ME3: variants seen among roughly 807,000 people sequenced by gnomAD.
ME3 encodes NADP-dependent malic enzyme, mitochondrial.
Under a neutral mutation model 68.9 loss-of-function variants are expected in ME3, and 48 were observed. The observed-to-expected ratio is 0.70, with a 90% confidence interval of 0.55 to 0.89. ME3 has a LOEUF of 0.89. Among genes scored for constraint, ME3 ranks in the 40% least tolerant of loss-of-function variants. ME3 has a pLI of 0.00. For synonymous variants in ME3, 320 were observed against 318.8 expected (o/e 1.00, Z -0.04); for missense variants, 675 against 797.4 (o/e 0.85, Z 1.85).
At chr11:86,514,624 C>T (rs186992942) in intron 4 of ME3, among the ~76,000 whole-genome samples, 58 of 152,298 alleles carry the variant, frequency 3.8e-4, no homozygotes, top group Middle Eastern at 6.8e-3. Flanking sequence ...AATGCAGGCT[C>T]GAAACCCAGC....
At chr11:86,654,283 G>A (rs1945695956) in intron 2 of ME3, among the ~76,000 whole-genome samples, 2 of 152,184 alleles carry the variant, frequency 1.3e-5, no homozygotes, top group South Asian at 4.1e-4. Flanking sequence ...GCCAGGCAGA[G>A]ACACAACCAA....
At chr11:86,514,890 G>A (rs184323249) in intron 4 of ME3, among the ~76,000 whole-genome samples, 1 of 152,276 alleles carries the variant, frequency 6.6e-6, no homozygotes, top group African/African-American at 2.4e-5. Context: ...GAGTCAGATC[G>A]CCTGGGCTCA....
rs1960562943 is a variant in ME3 at position 86,601,074 on chromosome 11, C to CA, written c.184-41252_184-41251insT. Among the ~76,000 whole-genome samples the CA allele has an allele frequency of 3.3e-5, 5 of 152,000 alleles. No individual in the cohort carries two copies. The South Asian group carries it at 1.0e-3, about 32-fold the overall frequency. On this transcript the variant is annotated intron_variant, in intron 2 of 14. Coordinates refer to ENST00000543262, the Ensembl canonical transcript of ME3. ...AAGGAAGAGCAAACACATTCAAAAG[C>CA]TAGCAGAAGGCAAGAAATAACTAAA...
intron 6 of ME3, among the ~76,000 whole-genome samples, chr11:86,497,684 G>A (rs141865825): frequency 2.8e-3 from 427 of 152,258 alleles, no homozygotes; most frequent in African/African-American, 9.3e-3. Context: ...GAGGAAGGAA[G>A]CCCAAGCAGG....
chr11:86,524,660 G>A (rs895647523), intron 4 of ME3, among the ~76,000 whole-genome samples: 1 of 152,200 alleles, frequency 6.6e-6, no homozygotes, highest in African/African-American at 2.4e-5. Flanking sequence ...CATTTCTGGA[G>A]CTATCATTGC....
At chr11:86,546,540 A>G (rs536051448) in intron 4 of ME3, among the ~76,000 whole-genome samples, 4 of 152,342 alleles carry the variant, frequency 2.6e-5, no homozygotes, top group Admixed American at 6.5e-5. Context: ...GAAGACATTA[A>G]TGCCACCAAC....
intron 2 of ME3, among the ~76,000 whole-genome samples, chr11:86,625,986 A>G (rs532094628): frequency 6.6e-6 from 1 of 152,324 alleles, no homozygotes; most frequent in South Asian, 2.1e-4. Context: ...ACATAGTGCT[A>G]TATAAGTATT....
At chr11:86,473,715 A>C (rs1224554229) in intron 7 of ME3, among the ~76,000 whole-genome samples, 1 of 152,106 alleles carries the variant, frequency 6.6e-6, no homozygotes, top group Non-Finnish European at 1.5e-5. Context: ...GGGGGTGTGA[A>C]TCAGCAGAGG....
chr11:86,439,083 A>G (rs576686642), downstream of ME3, among the ~76,000 whole-genome samples: 28 of 152,312 alleles, frequency 1.8e-4, no homozygotes, highest in Admixed American at 3.9e-4. Flanking sequence ...TCAGGCCTTC[A>G]ACTAATTGGA....
chr11:86,643,960 T>C (rs1944836630), intron 2 of ME3, among the ~76,000 whole-genome samples: 2 of 152,184 alleles, frequency 1.3e-5, no homozygotes, highest in South Asian at 4.1e-4. Flanking sequence ...AAGCTTTTTG[T>C]GGGGATCAGA....
At chr11:86,554,708 GT>G (rs566133154) in intron 4 of ME3, among the ~76,000 whole-genome samples, 33 of 152,260 alleles carry the variant, frequency 2.2e-4, no homozygotes, top group African/African-American at 6.7e-4. Context: ...ATCACCCAGG[GT>G]CAAGGAGATT....
chr11:86,521,532 C>T (rs951423520), intron 4 of ME3, among the ~76,000 whole-genome samples: 1 of 151,786 alleles, frequency 6.6e-6, no homozygotes, highest in African/African-American at 2.4e-5. Flanking sequence ...TGTACAAAGT[C>T]AGTCGTAAAG....
At chr11:86,664,972 C>A (rs188207124) in intron 2 of ME3, among the ~76,000 whole-genome samples, 5 of 152,260 alleles carry the variant, frequency 3.3e-5, no homozygotes, top group East Asian at 3.9e-4. Flanking sequence ...TATACACACT[C>A]CAGATGGGCA....
At chr11:86,506,015 A>T (rs1565873530) in intron 5 of ME3, among the ~76,000 whole-genome samples, 1 of 152,208 alleles carries the variant, frequency 6.6e-6, no homozygotes, top group Non-Finnish European at 1.5e-5. Flanking sequence ...CTTTCTAACT[A>T]GACTTCGAGC....
intron 2 of ME3, among the ~76,000 whole-genome samples, chr11:86,647,477 T>G (rs1324893795): frequency 1.4e-5 from 2 of 139,990 alleles, no homozygotes; most frequent in Non-Finnish European, 3.0e-5. Flanking sequence ...ACAGCGAGAC[T>G]CCATCTCAAA....
At chr11:86,560,405 G>A (rs1375632027) in intron 2 of ME3, among the ~76,000 whole-genome samples, 2 of 152,082 alleles carry the variant, frequency 1.3e-5, no homozygotes, top group African/African-American at 4.8e-5. Flanking sequence ...GTGGAACTAT[G>A]AGTCAATTAA....
At chr11:86,514,638 A>G (rs1008230506) in intron 4 of ME3, among the ~76,000 whole-genome samples, 2 of 152,222 alleles carry the variant, frequency 1.3e-5, no homozygotes, top group South Asian at 2.1e-4. Flanking sequence ...ACCCAGCTCT[A>G]TTACTTCCTA....
chr11:86,552,642 T>C (rs1956751346), intron 4 of ME3, among the ~76,000 whole-genome samples: 1 of 152,172 alleles, frequency 6.6e-6, no homozygotes, highest in South Asian at 2.1e-4. Flanking sequence ...CATTTGTCCT[T>C]ACTGGAGTCA....
At chr11:86,670,433 A>C (rs1036405031) in intron 2 of ME3, among the ~76,000 whole-genome samples, 18 of 152,172 alleles carry the variant, frequency 1.2e-4, no homozygotes, top group African/African-American at 4.3e-4. Flanking sequence ...CCCTTCCTCT[A>C]GATTCTTTAG....
Sources: allele counts gnomAD v4.1 joint callset (sites outside exome capture counted in the v4.1 genomes callset), GRCh38; gene constraint gnomAD v4.1.1; transcripts MANE v1.5; gene names NCBI Gene and HGNC (gene_info 2026-07-23, HGNC 2026-07-21).